Variants in PELI2 observed in about 807,000 individuals in gnomAD.
PELI2 encodes pellino E3 ubiquitin protein ligase family member 2, also known as E3 ubiquitin-protein ligase pellino homolog 2.
Under a neutral mutation model 42.3 loss-of-function variants are expected in PELI2, and 23 were observed. That is an observed-to-expected ratio of 0.54 (90% CI 0.39 to 0.77). The LOEUF (loss-of-function observed/expected upper bound fraction) is 0.77. PELI2 is among the 30% of genes least tolerant of loss of function. The pLI, the probability that PELI2 is intolerant of heterozygous loss-of-function variation, is 0.00. For missense variants in PELI2, 463 were observed against 553.2 expected, an observed-to-expected ratio of 0.84 and a Z score of 1.64; for synonymous variants, 245 against 212.2, an observed-to-expected ratio of 1.15 and a Z score of -1.34.
intron 2 of PELI2, among the ~76,000 whole-genome samples, chr14:56,194,025 T>C (rs1886043503): frequency 6.6e-6 from 1 of 152,208 alleles, no homozygotes; most frequent in Admixed American, 6.5e-5. Context: ...TAATTTGGCT[T>C]AAGAAGTTGA....
chr14:56,258,003 G>T (rs1259357235), intron 2 of PELI2, among the ~76,000 whole-genome samples: 1 of 152,156 alleles, frequency 6.6e-6, no homozygotes, highest in Non-Finnish European at 1.5e-5. Context: ...ACAGAATGGG[G>T]AAAGAACTAC....
intron 2 of PELI2, among the ~76,000 whole-genome samples, chr14:56,274,876 A>C (rs778165333): frequency 3.3e-5 from 5 of 152,216 alleles, no homozygotes; most frequent in Non-Finnish European, 7.3e-5. Context: ...TAATCTGTTT[A>C]TCTGTAATTG....
At chr14:56,155,245 T>C (rs538249019) in intron 1 of PELI2, among the ~76,000 whole-genome samples, 85 of 152,196 alleles carry the variant, frequency 5.6e-4, no homozygotes, top group African/African-American at 1.6e-3. Context: ...GTTGGGTTTT[T>C]TTTTTTGGTT....
intron 1 of PELI2, among the ~76,000 whole-genome samples, chr14:56,164,720 A>G (rs1420227085): frequency 2.0e-5 from 3 of 151,878 alleles, no homozygotes; most frequent in Non-Finnish European, 4.4e-5. Flanking sequence ...CTTACTTGTT[A>G]TTGGTCTGTT....
chr14:56,125,422 G>T (rs900091451), intron 1 of PELI2, among the ~76,000 whole-genome samples: 3 of 151,642 alleles, frequency 2.0e-5, no homozygotes, highest in Non-Finnish European at 2.9e-5. Flanking sequence ...GGGCAGGGGG[G>T]GGGTGAATTG....
At chr14:56,140,924 A>G (rs1256802426) in intron 1 of PELI2, among the ~76,000 whole-genome samples, 1 of 152,164 alleles carries the variant, frequency 6.6e-6, no homozygotes, top group East Asian at 1.9e-4. Context: ...TGGCCTGGGC[A>G]TGGGGTTGCT....
rs571679844 is a variant in PELI2 at position 56,253,380 on chromosome 14, G to A, written c.208-26296G>A. On this transcript the variant is annotated intron_variant, in intron 2 of 5. Coordinates refer to ENST00000267460, the MANE Select transcript of PELI2 (RefSeq NM_021255.3). ...ATCAGGCAAGATAAAGAAATAAAGC[G>A]TATTCAATTAGGAAAATAGGAAGTC... 1.2e-4 allele frequency among the ~76,000 whole-genome samples: 18 copies of A among 152,236 alleles called. No homozygotes were observed. In the East Asian group the frequency reaches 1.4e-3, roughly 11 times the overall value.
chr14:56,130,465 C>T (rs1360872876), intron 1 of PELI2, among the ~76,000 whole-genome samples: 1 of 151,570 alleles, frequency 6.6e-6, no homozygotes, highest in Non-Finnish European at 1.5e-5. Context: ...TAACCAAACC[C>T]TTGCCATACT....
Position 56,145,387 on chromosome 14 carries a change from G to A in PELI2, c.77+26650G>A, listed in dbSNP as rs184517719. On this transcript the variant is annotated intron_variant, in intron 1 of 5. Coordinates refer to ENST00000267460, the MANE Select transcript of PELI2 (RefSeq NM_021255.3). ...CAATTCAGCATGAGATTTGGGTTGG[G>A]ACACAGCCAGACCGTATCTCTAGGA... Among the ~76,000 whole-genome samples the A allele has an allele frequency of 1.6e-3, 241 of 152,292 alleles. 1 individual carries two copies. The highest frequency in any genetic ancestry group is 2.5e-3 in the Non-Finnish European group (170 of 68,024).
chr14:56,251,725 A>G (rs1037837422), intron 2 of PELI2, among the ~76,000 whole-genome samples: 1 of 152,258 alleles, frequency 6.6e-6, no homozygotes, highest in African/African-American at 2.4e-5. Flanking sequence ...ACTCTTGGAA[A>G]GAGGCTGCTA....
chr14:56,242,769 G>A (rs372884942), intron 2 of PELI2, among the ~76,000 whole-genome samples: 3 of 152,188 alleles, frequency 2.0e-5, no homozygotes, highest in African/African-American at 2.4e-5. Context: ...ACCAATTATC[G>A]TATGTTCTCA....
intron 1 of PELI2, among the ~76,000 whole-genome samples, chr14:56,137,550 G>A (rs1254880294): frequency 3.9e-5 from 6 of 152,132 alleles, no homozygotes; most frequent in Admixed American, 3.9e-4. Context: ...TGGAGATCAG[G>A]CTCATGCATA....
intron 2 of PELI2, among the ~76,000 whole-genome samples, chr14:56,264,454 A>C (rs1356297980): frequency 6.6e-6 from 1 of 152,198 alleles, no homozygotes; most frequent in East Asian, 1.9e-4. Context: ...CCCAATACAT[A>C]GATGAGGCCA....
intron 2 of PELI2, among the ~76,000 whole-genome samples, chr14:56,227,583 T>C (rs150574596): frequency 6.6e-6 from 1 of 151,832 alleles, no homozygotes; most frequent in Non-Finnish European, 1.5e-5. Flanking sequence ...TAGATGCAAA[T>C]ATGAATATAT....
intron 1 of PELI2, among the ~76,000 whole-genome samples, chr14:56,143,057 T>G (rs1455494932): frequency 2.6e-5 from 4 of 152,224 alleles, no homozygotes; most frequent in African/African-American, 9.6e-5. Flanking sequence ...CCTTTTTTTT[T>G]GGTTCCACAA....
chr14:56,132,295 T>G (rs1020682105), intron 1 of PELI2, among the ~76,000 whole-genome samples: 2 of 152,254 alleles, frequency 1.3e-5, no homozygotes, highest in Non-Finnish European at 2.9e-5. Flanking sequence ...TCAAAGCCTG[T>G]GTATACATCT....
intron 2 of PELI2, among the ~76,000 whole-genome samples, chr14:56,262,628 G>A (rs1888750299): frequency 6.6e-6 from 1 of 152,112 alleles, no homozygotes; most frequent in East Asian, 1.9e-4. Context: ...TAAAATCTGT[G>A]CCACGGCTTT....
chr14:56,232,026 C>T (rs904182949), intron 2 of PELI2, among the ~76,000 whole-genome samples: 1 of 152,110 alleles, frequency 6.6e-6, no homozygotes, highest in Admixed American at 6.6e-5. Flanking sequence ...GGATAAATTC[C>T]TCGACACATA....
chr14:56,178,719 T>C (rs1042998037), intron 2 of PELI2, among the ~76,000 whole-genome samples: 4 of 152,186 alleles, frequency 2.6e-5, no homozygotes, highest in Admixed American at 1.3e-4. Flanking sequence ...ACTAAAAATG[T>C]CTCAAGACAT....
Sources: gnomAD v4.1 joint callset for allele counts (sites outside exome capture counted in the v4.1 genomes callset) on GRCh38, gnomAD v4.1.1 for gene constraint, MANE v1.5 for transcripts, NCBI Gene and HGNC (gene_info 2026-07-23, HGNC 2026-07-21) for gene names.